Variants in FSTL4 observed in about 807,000 individuals in gnomAD.
FSTL4 encodes the protein follistatin-related protein 4.
A neutral mutation model predicts 78.2 loss-of-function variants in FSTL4; 28 were observed. The observed-to-expected ratio is 0.36, with a 90% confidence interval of 0.27 to 0.49. The LOEUF is 0.49. FSTL4 is among the 20% of genes least tolerant of loss of function. The pLI is 0.98. For synonymous variants in FSTL4, 422 were observed against 440.5 expected (o/e 0.96, Z 0.53); for missense variants, 922 against 1,084.9 (o/e 0.85, Z 2.11).
intron 4 of FSTL4, among the ~76,000 whole-genome samples, chr5:133,340,042 G>A (rs933713515): frequency 1.3e-5 from 2 of 152,310 alleles, no homozygotes; most frequent in African/African-American, 2.4e-5. Context: ...GCCGGAGGGC[G>A]TGGGGTGCTG....
intron 8 of FSTL4, among the ~76,000 whole-genome samples, chr5:133,232,173 T>C (rs1751512877): frequency 6.6e-6 from 1 of 152,222 alleles, no homozygotes; most frequent in Non-Finnish European, 1.5e-5. Flanking sequence ...ACGTCAGTGC[T>C]CGGGCCGCAT....
chr5:133,726,225 A>C, the FSTL4 span, among the ~76,000 whole-genome samples: 3 of 152,290 alleles, frequency 2.0e-5, no homozygotes, highest in Admixed American at 2.0e-4. Flanking sequence ...CCAGGCTAAA[A>C]AGTGGTTGCA....
chr5:133,390,823 T>C (rs921755795), intron 4 of FSTL4, among the ~76,000 whole-genome samples: 6 of 152,178 alleles, frequency 3.9e-5, no homozygotes, highest in African/African-American at 1.4e-4. Context: ...CCTCCCTCTC[T>C]TTGGAGAAGA....
At chr5:133,753,563 C>T in the FSTL4 span, among the ~76,000 whole-genome samples, 5 of 152,318 alleles carry the variant, frequency 3.3e-5, no homozygotes, top group South Asian at 8.3e-4. Context: ...GTAACTCTCA[C>T]TAGGGGCTGG....
rs147911865 is a variant in FSTL4, at chr5:133,529,246, A to G, written c.160+37940T>C. 6.6e-3 allele frequency among the ~76,000 whole-genome samples: 1,007 copies of G among 152,380 alleles called. 5 individuals carry two copies. The highest frequency in any genetic ancestry group is 0.011 in the Non-Finnish European group (744 of 68,034). On this transcript the variant is annotated intron_variant, in intron 3 of 15. Transcript: ENST00000265342. ...TCCCTGTGAATACCCAAAGGCTCAG[A>G]AAAGATAAATGACTTGCCCAAAATA...
the FSTL4 span, among the ~76,000 whole-genome samples, chr5:133,688,285 T>A: frequency 3.5e-4 from 54 of 152,216 alleles, no homozygotes; most frequent in Middle Eastern, 3.4e-3. Context: ...TGGTGAAGTA[T>A]GCCTGTAGTC....
intron 3 of FSTL4, among the ~76,000 whole-genome samples, chr5:133,413,901 T>A (rs1384116125): frequency 6.6e-6 from 1 of 152,104 alleles, no homozygotes; most frequent in Non-Finnish European, 1.5e-5. Context: ...ATTTGTATAA[T>A]CTCTTGATTT....
intron 14 of FSTL4, among the ~76,000 whole-genome samples, chr5:133,205,137 G>GTCTT (rs1420724630): frequency 2.6e-5 from 4 of 152,298 alleles, no homozygotes; most frequent in South Asian, 2.1e-4. Context: ...TGGAGAAGTA[G>GTCTT]TCTTTATTAT....
At chr5:133,360,720 T>C (rs1358434005) in intron 4 of FSTL4, among the ~76,000 whole-genome samples, 2 of 152,200 alleles carry the variant, frequency 1.3e-5, no homozygotes, top group African/African-American at 4.8e-5. Flanking sequence ...GGGCTATGTT[T>C]TCAACGTCCA....
intron 3 of FSTL4, among the ~76,000 whole-genome samples, chr5:133,495,035 C>T (rs555508752): frequency 1.3e-5 from 2 of 152,290 alleles, no homozygotes; most frequent in East Asian, 1.9e-4. Context: ...ATCAACAAAG[C>T]GGATGGGATG....
At chr5:133,395,001 T>C (rs190226810) in intron 4 of FSTL4, among the ~76,000 whole-genome samples, 1 of 152,230 alleles carries the variant, frequency 6.6e-6, no homozygotes, top group Non-Finnish European at 1.5e-5. Flanking sequence ...TGGAGAACTT[T>C]TCTGTCTAGC....
the FSTL4 span, among the ~76,000 whole-genome samples, chr5:133,733,143 A>G: frequency 5.3e-5 from 8 of 152,230 alleles, no homozygotes; most frequent in Non-Finnish European, 1.2e-4. Context: ...ATATCTCTGA[A>G]CTTTTGTACA....
chr5:133,556,748 A>G (rs2112933622), intron 3 of FSTL4, among the ~76,000 whole-genome samples: 1 of 152,180 alleles, frequency 6.6e-6, no homozygotes, highest in Non-Finnish European at 1.5e-5. Flanking sequence ...CTGCCACCCC[A>G]TGCCCATTTA....
chr5:133,296,797 G>A (rs536896367), intron 6 of FSTL4, among the ~76,000 whole-genome samples: 7 of 152,332 alleles, frequency 4.6e-5, no homozygotes, highest in East Asian at 1.9e-4. Flanking sequence ...TACAAGTTCC[G>A]TGAGGGCAAG....
chr5:133,596,807 C>G (rs566281248), intron 2 of FSTL4, among the ~76,000 whole-genome samples: 1 of 152,246 alleles, frequency 6.6e-6, no homozygotes, highest in Non-Finnish European at 1.5e-5. Flanking sequence ...AGACCTCAGC[C>G]CCGCAGGCCA....
At chr5:133,649,525 A>T in the FSTL4 span, among the ~76,000 whole-genome samples, 1 of 152,230 alleles carries the variant, frequency 6.6e-6, no homozygotes, top group African/African-American at 2.4e-5. Context: ...GCTCTACAAC[A>T]TCAGCGTACT....
intron 6 of FSTL4, among the ~76,000 whole-genome samples, chr5:133,277,941 C>T (rs998980561): frequency 1.3e-5 from 2 of 152,214 alleles, no homozygotes; most frequent in Non-Finnish European, 1.5e-5. Context: ...CACCCTCTGC[C>T]CATTCTTGTG....
intron 6 of FSTL4, among the ~76,000 whole-genome samples, chr5:133,311,217 T>C (rs777068167): frequency 2.6e-4 from 40 of 152,188 alleles, no homozygotes; most frequent in Non-Finnish European, 4.0e-4. Context: ...ACATTCCAAA[T>C]GCATTTCTGG....
At chr5:133,695,041 A>T in the FSTL4 span, among the ~76,000 whole-genome samples, 3 of 152,212 alleles carry the variant, frequency 2.0e-5, no homozygotes, top group Non-Finnish European at 4.4e-5. Flanking sequence ...GTGGCATCAG[A>T]TGAGGGCTAG....
Sources: gnomAD v4.1 joint callset for allele counts (sites outside exome capture counted in the v4.1 genomes callset) on GRCh38, gnomAD v4.1.1 for gene constraint, MANE v1.5 for transcripts, NCBI Gene and HGNC (gene_info 2026-07-23, HGNC 2026-07-21) for gene names.